The following GOLM2 variants were observed in gnomAD, a reference collection of about 807,000 sequenced individuals.
GOLM2 encodes the protein protein GOLM2.
In GOLM2, 26 loss-of-function variants were observed where a neutral mutation model predicts 55.9. The ratio of observed to expected loss-of-function variants is 0.47; its 90% confidence interval spans 0.34 to 0.65. The LOEUF is 0.65. Ranked by LOEUF, GOLM2 falls within the 30% of genes least tolerant of loss-of-function variation. The pLI is 0.01. For missense variants in GOLM2, 486 were observed against 531.8 expected, an observed-to-expected ratio of 0.91 and a Z score of 0.85; for synonymous variants, 165 against 194.6, an observed-to-expected ratio of 0.85 and a Z score of 1.27.
intron 6 of GOLM2, among the ~76,000 whole-genome samples, chr15:44,364,003 T>C (rs987310213): frequency 1.4e-5 from 2 of 141,780 alleles, no homozygotes; most frequent in Non-Finnish European, 3.0e-5. Flanking sequence ...TGAGAACACA[T>C]GGACACAGGA....
chr15:44,410,843 C>T, intron 9 of GOLM2, among the ~76,000 whole-genome samples: 1 of 143,022 alleles, frequency 7.0e-6, no homozygotes, highest in South Asian at 2.2e-4. Context: ...GTTGAGGCTG[C>T]AGTGAGCCGA....
chr15:44,333,762 G>C (rs1022760028), intron 4 of GOLM2, among the ~76,000 whole-genome samples: 2 of 151,930 alleles, frequency 1.3e-5, no homozygotes, highest in African/African-American at 4.8e-5. Context: ...TGTCACCCAG[G>C]CTGGAGTGCA....
chr15:44,314,627 G>T (rs1198328288), intron 1 of GOLM2, among the ~76,000 whole-genome samples: 4 of 151,980 alleles, frequency 2.6e-5, no homozygotes, highest in South Asian at 2.1e-4. Flanking sequence ...TAAGAAGACA[G>T]TAATTCATTA....
chr15:44,385,437 T>C (rs929939063), intron 8 of GOLM2, among the ~76,000 whole-genome samples: 1 of 150,314 alleles, frequency 6.7e-6, no homozygotes, highest in African/African-American at 2.4e-5. Context: ...TGATGTTTCC[T>C]TGTGGTTTTT....
intron 6 of GOLM2, among the ~76,000 whole-genome samples, chr15:44,348,202 T>A (rs1487876866): frequency 6.6e-6 from 1 of 151,932 alleles, no homozygotes; most frequent in Non-Finnish European, 1.5e-5. Context: ...GCAGTGTAGA[T>A]TTGAACTTGG....
At chr15:44,357,670 G>A (rs968366535) in intron 6 of GOLM2, among the ~76,000 whole-genome samples, 2 of 152,128 alleles carry the variant, frequency 1.3e-5, no homozygotes, top group East Asian at 3.8e-4. Flanking sequence ...TGACAAAAAC[G>A]CTCCTGGAAC....
chr15:44,296,461 A>T (rs1459351689), intron 1 of GOLM2, among the ~76,000 whole-genome samples: 1 of 152,116 alleles, frequency 6.6e-6, no homozygotes, highest in Non-Finnish European at 1.5e-5. Flanking sequence ...CTATGCCTTT[A>T]GTTGAATGGG....
chr15:44,297,015 A>G (rs2141106369), intron 1 of GOLM2, among the ~76,000 whole-genome samples: 1 of 152,262 alleles, frequency 6.6e-6, no homozygotes, highest in South Asian at 2.1e-4. Context: ...ACTCTTCCAA[A>G]CGATATCCCT....
intron 1 of GOLM2, chr15:44,308,646 A>T (rs1343303132): frequency 1.3e-5 from 2 of 152,032 alleles, no homozygotes; most frequent in African/African-American, 2.4e-5. Flanking sequence ...TCTGTCACCT[A>T]GGCTGGGTAC....
At chr15:44,302,146 ATT>A (rs374509457) in intron 1 of GOLM2, among the ~76,000 whole-genome samples, 20 of 141,104 alleles carry the variant, frequency 1.4e-4, no homozygotes, top group African/African-American at 2.1e-4. Flanking sequence ...TTTACATTTA[ATT>A]TTTTTTTTTT....
At chr15:44,368,925 A>G (rs115566899) in intron 6 of GOLM2, among the ~76,000 whole-genome samples, 4,411 of 148,322 alleles carry the variant, frequency 0.03, 237 homozygotes, top group African/African-American at 0.1. Context: ...AGGAGTTTGG[A>G]TTTTGTTGCC....
chr15:44,328,710 A>G lies in GOLM2; in HGVS notation c.408A>G (p.Glu136=), dbSNP rs1372722028. ...AGCAACTTGCTGAGCTTCGTCAGGA[A>G]TTTCTTCGACAAGAAGACCAGCTTC... ...LKEQLAELRQ[E]FLRQEDQLQD... The change falls in exon 3 of 10, where the codon GAA becomes GAG. Residue 136 remains glutamate (E), a synonymous_variant. Transcript: ENST00000299957. 4 of 1,613,296 alleles carry G rather than the reference A, an allele frequency of 2.5e-6. No individual in the cohort carries two copies. The East Asian group carries it at 6.7e-5, about 27-fold the overall frequency.
intron 9 of GOLM2, among the ~76,000 whole-genome samples, chr15:44,411,056 C>G (rs1346924738): frequency 5.9e-5 from 6 of 101,880 alleles, no homozygotes; most frequent in African/African-American, 1.9e-4. Flanking sequence ...GGGTTTAACT[C>G]TGTTACCCAG....
chr15:44,342,161 T>G (rs1034053606), intron 6 of GOLM2, among the ~76,000 whole-genome samples: 2 of 152,072 alleles, frequency 1.3e-5, no homozygotes, highest in African/African-American at 4.8e-5. Flanking sequence ...TTTGTGTAAA[T>G]TGATCGTTAA....
At chr15:44,395,773 G>C (rs2079522110) in intron 8 of GOLM2, among the ~76,000 whole-genome samples, 1 of 152,062 alleles carries the variant, frequency 6.6e-6, no homozygotes, top group African/African-American at 2.4e-5. Context: ...CCAGGAGGCA[G>C]AAGTTGCAGT....
chr15:44,331,884 G>A, intron 3 of GOLM2, 104 bp from the exon 4 acceptor site: 1 of 768,928 alleles, frequency 1.3e-6, no homozygotes, highest in Non-Finnish European at 2.2e-6. Flanking sequence ...ACTCTCCCCT[G>A]CTAACTGAGT....
chr15:44,307,307 G>A (rs570670019), intron 1 of GOLM2: 1 of 151,862 alleles, frequency 6.6e-6, no homozygotes, highest in African/African-American at 2.4e-5. Context: ...CTGCCTCCCA[G>A]GTTCACGCCA....
chr15:44,381,951 C>A (rs2079406317), intron 8 of GOLM2: 2 of 152,084 alleles, frequency 1.3e-5, no homozygotes, highest in Admixed American at 1.3e-4. Context: ...CTGTGCCCAG[C>A]CTATTCAAGG....
intron 6 of GOLM2, among the ~76,000 whole-genome samples, chr15:44,365,781 G>C (rs1211081257): frequency 6.6e-6 from 1 of 152,076 alleles, no homozygotes; most frequent in Non-Finnish European, 1.5e-5. Flanking sequence ...TTATACATTT[G>C]TCCAAACCCA....
Sources: allele counts gnomAD v4.1 joint callset (sites outside exome capture counted in the v4.1 genomes callset), GRCh38; gene constraint gnomAD v4.1.1; transcripts MANE v1.5; gene names NCBI Gene and HGNC (gene_info 2026-07-23, HGNC 2026-07-21).